Variants in CREBBP observed in about 807,000 individuals in gnomAD.
CREBBP encodes CREB-binding protein.
A neutral mutation model predicts 265.0 loss-of-function variants in CREBBP; 19 were observed. The ratio of observed to expected loss-of-function variants is 0.07; its 90% CI spans 0.05 to 0.11. The LOEUF (loss-of-function observed/expected upper bound fraction) is 0.11. Among genes scored for constraint, CREBBP ranks in the 10% least tolerant of loss-of-function variants. The pLI, the probability that CREBBP is intolerant of heterozygous loss-of-function variation, is 1.00. For synonymous variants in CREBBP, 1,457 were observed against 1,223.7 expected (o/e 1.19, Z -3.98); for missense variants, 2,525 against 3,219.0 (o/e 0.78, Z 5.22).
intron 21 of CREBBP, among the ~76,000 whole-genome samples, chr16:3,749,293 A>G (rs1224448418): frequency 6.6e-6 from 1 of 152,200 alleles, no homozygotes; most frequent in Non-Finnish European, 1.5e-5. Flanking sequence ...GTACTACCCC[A>G]CCAAATACTC....
At chr16:3,873,062 G>C (rs1381806426) in intron 1 of CREBBP, among the ~76,000 whole-genome samples, 2 of 152,216 alleles carry the variant, frequency 1.3e-5, no homozygotes, top group South Asian at 2.1e-4. Context: ...TTTGCCTCGA[G>C]GTTTCATCTT....
chr16:3,853,088 T>C (rs1438222233), intron 1 of CREBBP, among the ~76,000 whole-genome samples: 1 of 152,128 alleles, frequency 6.6e-6, no homozygotes, highest in African/African-American at 2.4e-5. Context: ...TCATTAGTGA[T>C]GTGACCTTGG....
chr16:3,777,501 T>G, intron 11 of CREBBP, 112 bp downstream of exon 11: 1 of 1,137,662 alleles, frequency 8.8e-7, no homozygotes, highest in Non-Finnish European at 1.3e-6. Flanking sequence ...CAAAAAGGAA[T>G]GGAAAGAAGA....
chr16:3,828,408 T>C (rs1450762577), intron 2 of CREBBP, among the ~76,000 whole-genome samples: 2 of 152,256 alleles, frequency 1.3e-5, no homozygotes, highest in African/African-American at 4.8e-5. Flanking sequence ...GACTTCTTTA[T>C]GGGTCTTACA....
At chr16:3,738,729 A>G in intron 25 of CREBBP, 57 bp from the exon 26 acceptor site, 1 of 1,125,658 alleles carries the variant, frequency 8.9e-7, no homozygotes, top group Non-Finnish European at 1.3e-6. Context: ...GAAATCAAAC[A>G]CAAGCAACAA....
At chr16:3,744,113 T>A (rs2052283221) in intron 23 of CREBBP, among the ~76,000 whole-genome samples, 1 of 152,134 alleles carries the variant, frequency 6.6e-6, no homozygotes, top group South Asian at 2.1e-4. Flanking sequence ...CAAAGTTACT[T>A]CTAGCAGTAA....
intron 2 of CREBBP, among the ~76,000 whole-genome samples, chr16:3,813,494 C>T (rs2053976866): frequency 6.6e-6 from 1 of 152,190 alleles, no homozygotes; most frequent in African/African-American, 2.4e-5. Flanking sequence ...CCATGGAACA[C>T]TTACTACTCT....
chr16:3,861,846 A>C (rs1424123606), intron 1 of CREBBP, among the ~76,000 whole-genome samples: 1 of 151,846 alleles, frequency 6.6e-6, no homozygotes, highest in African/African-American at 2.4e-5. Flanking sequence ...TCTTTTATGC[A>C]GACACACCAA....
intron 2 of CREBBP, among the ~76,000 whole-genome samples, chr16:3,823,900 T>A (rs922691479): frequency 9.9e-5 from 15 of 151,910 alleles, no homozygotes; most frequent in Admixed American, 3.3e-4. Flanking sequence ...CGCCCCTAGC[T>A]CTCTTCAGCA....
chr16:3,790,969 G>A (rs1220683194), intron 5 of CREBBP, among the ~76,000 whole-genome samples: 1 of 152,176 alleles, frequency 6.6e-6, no homozygotes, highest in African/African-American at 2.4e-5. Context: ...CAGCTGCGGG[G>A]TCTTGAGGAA....
At chr16:3,778,894 C>T (rs12927528) in intron 8 of CREBBP, 77 bp from the exon 9 acceptor site, 959 of 1,228,018 alleles carry the variant, frequency 7.8e-4, no homozygotes, top group Non-Finnish European at 1.0e-3. Flanking sequence ...CGTCCAGGCG[C>T]GGTGGCTCAC....
At chr16:3,822,376 A>C (rs1421319168) in intron 2 of CREBBP, among the ~76,000 whole-genome samples, 1 of 152,216 alleles carries the variant, frequency 6.6e-6, no homozygotes, top group Non-Finnish European at 1.5e-5. Context: ...ACAAGGCTTT[A>C]AGACAGACAG....
At position 3,731,252 on chromosome 16, in the gene CREBBP, G is replaced by C. The variant is rs1320546478; in HGVS notation, c.5112C>G (p.Val1704=). 1 of 1,614,210 alleles carries C rather than the reference G, an allele frequency of 6.2e-7. No individual in the cohort carries two copies. The highest frequency in any genetic ancestry group is 1.1e-5 in the South Asian group (1 of 91,086). ...ELHTQGQDRF[V]YTCNECKHHV... ...GGTGCTTGCACTCGTTGCAGGTGTA[G>C]ACAAAGCGGTCCTGGCCCTGGGTGT... Residue 1704 remains valine (V), a synonymous_variant, in exon 30 of 31, where the codon GTC becomes GTG. Coordinates refer to ENST00000262367, the MANE Select transcript of CREBBP (RefSeq NM_004380.3). The surrounding 1 kb of genome is among the most constrained non-coding windows in gnomAD (Gnocchi z 7.7).
chr16:3,868,090 T>C (rs542063501), intron 1 of CREBBP, among the ~76,000 whole-genome samples: 26 of 152,262 alleles, frequency 1.7e-4, no homozygotes, highest in African/African-American at 5.8e-4. Context: ...CATATTTGCC[T>C]GGCTACGCAC....
At chr16:3,784,685 A>G (rs553070860) in intron 5 of CREBBP, among the ~76,000 whole-genome samples, 59 of 152,328 alleles carry the variant, frequency 3.9e-4, no homozygotes, top group African/African-American at 1.4e-3. Flanking sequence ...CAAAGTATGG[A>G]GCCTTCCATT....
chr16:3,769,496 A>G, intron 14 of CREBBP, 143 bp from the exon 15 acceptor site: 1 of 1,006,264 alleles, frequency 9.9e-7, no homozygotes, highest in Non-Finnish European at 1.5e-6. Context: ...ACCGAAGAAC[A>G]GGGGTTAAAG....
intron 5 of CREBBP, among the ~76,000 whole-genome samples, chr16:3,783,935 T>C (rs2053330101): frequency 6.6e-6 from 1 of 152,226 alleles, no homozygotes; most frequent in Admixed American, 6.5e-5. Flanking sequence ...ACCCACCTGT[T>C]ACCTGTTTGC....
At chr16:3,764,602 G>T (rs191999125) in intron 16 of CREBBP, among the ~76,000 whole-genome samples, 21 of 152,146 alleles carry the variant, frequency 1.4e-4, no homozygotes, top group African/African-American at 3.9e-4. Context: ...ATTTATTTTT[G>T]AGATAGGGCC....
At chr16:3,873,359 A>G (rs1451798701) in intron 1 of CREBBP, among the ~76,000 whole-genome samples, 1 of 152,248 alleles carries the variant, frequency 6.6e-6, no homozygotes, top group Non-Finnish European at 1.5e-5. Context: ...ACAATAAAAA[A>G]TGGAGACAGA....
Sources: gnomAD v4.1 joint callset for allele counts (sites outside exome capture counted in the v4.1 genomes callset) on GRCh38, gnomAD v4.1.1 for gene constraint, Gnocchi (gnomAD v3.1) non-coding constraint, MANE v1.5 for transcripts, NCBI Gene and HGNC (gene_info 2026-07-23, HGNC 2026-07-21) for gene names.